SOX5: variants seen among roughly 807,000 people sequenced by gnomAD.
The protein encoded by SOX5 is SRY-box transcription factor 5, also known as transcription factor SOX-5.
Under a neutral mutation model 92.0 loss-of-function variants are expected in SOX5, and 9 were observed. The ratio of observed to expected loss-of-function variants is 0.10; its 90% CI spans 0.06 to 0.17. The LOEUF (loss-of-function observed/expected upper bound fraction) is 0.17, where lower values mean the gene tolerates loss of function less well. Among genes scored for constraint, SOX5 ranks in the 10% least tolerant of loss-of-function variants. The pLI, the probability that SOX5 is intolerant of heterozygous loss-of-function variation, is 1.00. For missense variants in SOX5, 642 were observed against 944.5 expected, an observed-to-expected ratio of 0.68 and a Z score of 4.20; for synonymous variants, 344 against 336.3, an observed-to-expected ratio of 1.02 and a Z score of -0.25.
intron 7 of SOX5, among the ~76,000 whole-genome samples, chr12:23,641,675 G>C (rs189754999): frequency 6.6e-6 from 1 of 152,086 alleles, no homozygotes; most frequent in Non-Finnish European, 1.5e-5. Flanking sequence ...AATCAAGGGG[G>C]TTCTTAATTA....
At chr12:24,044,607 G>T (rs914084408) in intron 4 of SOX5, among the ~76,000 whole-genome samples, 1 of 152,110 alleles carries the variant, frequency 6.6e-6, no homozygotes. Context: ...ATGTTAAGTC[G>T]TATTTTATCC....
intron 6 of SOX5, among the ~76,000 whole-genome samples, chr12:23,685,125 T>C (rs1356410143): frequency 1.3e-5 from 2 of 152,090 alleles, no homozygotes; most frequent in African/African-American, 2.4e-5. Flanking sequence ...GTGAACTGAG[T>C]CAGTGAGTAG....
intron 4 of SOX5, among the ~76,000 whole-genome samples, chr12:24,012,452 T>C (rs1159194450): frequency 6.6e-6 from 1 of 152,198 alleles, no homozygotes; most frequent in African/African-American, 2.4e-5. Context: ...AAAAAGCTGA[T>C]GAAATGATGG....
At chr12:23,789,471 C>T (rs2095434102) in intron 3 of SOX5, among the ~76,000 whole-genome samples, 1 of 152,010 alleles carries the variant, frequency 6.6e-6, no homozygotes, top group Non-Finnish European at 1.5e-5. Flanking sequence ...TGCCTCTGGC[C>T]TATTCTTAAA....
At chr12:24,531,910 T>G (rs1320147173) in intron 1 of SOX5, among the ~76,000 whole-genome samples, 1 of 152,180 alleles carries the variant, frequency 6.6e-6, no homozygotes, top group African/African-American at 2.4e-5. Flanking sequence ...TCTGAGCAAT[T>G]TCAGTCGTCG....
At chr12:24,257,784 T>G (rs1451081569) in intron 3 of SOX5, among the ~76,000 whole-genome samples, 1 of 152,024 alleles carries the variant, frequency 6.6e-6, no homozygotes, top group African/African-American at 2.4e-5. Flanking sequence ...CAGTTTTTAT[T>G]TAAACCTCTT....
At chr12:23,884,908 A>G (rs1463636138) in intron 2 of SOX5, among the ~76,000 whole-genome samples, 2 of 152,238 alleles carry the variant, frequency 1.3e-5, no homozygotes, top group Non-Finnish European at 2.9e-5. Context: ...TCTGAGGAGC[A>G]CTGACTGAAA....
intron 4 of SOX5, among the ~76,000 whole-genome samples, chr12:24,006,871 C>G (rs964152014): frequency 5.3e-5 from 8 of 151,884 alleles, no homozygotes; most frequent in African/African-American, 1.7e-4. Flanking sequence ...CGGTGCCTCA[C>G]GCCTATAATC....
chr12:23,583,675 T>C lies in SOX5; in HGVS notation c.1165-7837A>G, dbSNP rs539861947. ...AAAAGGAAGCATAGAGCAGTAAGAA[T>C]TGATGTTAATAATCACACCAGTTCC... On this transcript the variant is annotated intron_variant, in intron 9 of 14. Transcript: ENST00000451604. 6.6e-5 allele frequency among the ~76,000 whole-genome samples: 10 copies of C among 152,272 alleles called. No individual in the cohort carries two copies. The South Asian group carries it at 2.1e-3, about 32-fold the overall frequency.
chr12:24,524,379 CTATCT>C (rs1566385812), intron 1 of SOX5, among the ~76,000 whole-genome samples: 14 of 152,118 alleles, frequency 9.2e-5, no homozygotes, highest in African/African-American at 2.4e-4. Flanking sequence ...ATCTATCTAT[CTATCT>C]ATCCATCCAT....
intron 4 of SOX5, among the ~76,000 whole-genome samples, chr12:24,187,280 A>G (rs759064490): frequency 2.0e-5 from 3 of 152,228 alleles, no homozygotes; most frequent in Admixed American, 6.5e-5. Flanking sequence ...CTGGGACAAC[A>G]GCAAGAAGAG....
chr12:23,891,401 T>C (rs551187509), intron 2 of SOX5, among the ~76,000 whole-genome samples: 27 of 152,342 alleles, frequency 1.8e-4, no homozygotes, highest in African/African-American at 5.3e-4. Flanking sequence ...ACAGAACTTC[T>C]ATCTCAAGAA....
rs148278755 is a variant in SOX5 at position 24,111,179 on chromosome 12, C to G, written c.-2+102164G>C. Among the ~76,000 whole-genome samples the G allele has an allele frequency of 2.0e-3, 309 of 152,010 alleles. 1 individual carries two copies. The highest frequency in any genetic ancestry group is 0.01 in the Middle Eastern group (3 of 294). On this transcript the variant is annotated intron_variant, in intron 4 of 4. Transcript: ENST00000446891. ...ATGTCCCACGGGAGGTAAAAATCAC[C>G]CCCCATTGAAAACACTGCTCTAAGC...
rs71450436 is a variant in SOX5, at chr12:24,393,606, T to C, written c.-250-24967A>G. Among the ~76,000 whole-genome samples the C allele has an allele frequency of 0.017, 2,534 of 152,338 alleles. 43 individuals are homozygous for C. Among genetic ancestry groups the C allele is most frequent in the Non-Finnish European group, 0.027 (1,809 of 68,036 alleles). ...CATTAAGTAACTAAGCAAAAAATTATGAAATAGATAATCTTTTATACGGAT... is the reference window on the plus strand; with the variant it reads ...CATTAAGTAACTAAGCAAAAAATTACGAAATAGATAATCTTTTATACGGAT... On this transcript the variant is annotated intron_variant, in intron 1 of 4. Transcript: ENST00000446891. The surrounding 1 kb of genome is among the most constrained non-coding windows in gnomAD (Gnocchi z 5.0).
chr12:24,483,555 C>T (rs1267781827), intron 1 of SOX5, among the ~76,000 whole-genome samples: 1 of 152,194 alleles, frequency 6.6e-6, no homozygotes, highest in Non-Finnish European at 1.5e-5. Context: ...GACAAAGGAA[C>T]TCCTTTGTAT....
chr12:23,931,958 C>T (rs1941519812), intron 1 of SOX5, among the ~76,000 whole-genome samples: 1 of 151,340 alleles, frequency 6.6e-6, no homozygotes, highest in Non-Finnish European at 1.5e-5. Flanking sequence ...TAAGGAAGCC[C>T]TATTTCCTCA....
At chr12:24,108,136 T>C (rs981387763) in intron 4 of SOX5, among the ~76,000 whole-genome samples, 3 of 152,194 alleles carry the variant, frequency 2.0e-5, no homozygotes, top group African/African-American at 4.8e-5. Flanking sequence ...TGTTTCTCTG[T>C]GTAAGTTGCA....
At chr12:24,305,061 C>T (rs752515286) in intron 2 of SOX5, among the ~76,000 whole-genome samples, 3 of 152,102 alleles carry the variant, frequency 2.0e-5, no homozygotes, top group Middle Eastern at 3.2e-3. Flanking sequence ...TTCCGAAGAC[C>T]CCACAATGAC....
chr12:23,593,753 G>A (rs1419350518), intron 9 of SOX5, among the ~76,000 whole-genome samples: 1 of 151,926 alleles, frequency 6.6e-6, no homozygotes, highest in African/African-American at 2.4e-5. Flanking sequence ...GAAGTTTTTG[G>A]TGTTTTTCTT....
Sources: allele counts gnomAD v4.1 joint callset (sites outside exome capture counted in the v4.1 genomes callset), GRCh38; gene constraint gnomAD v4.1.1; non-coding constraint Gnocchi (gnomAD v3.1); transcripts MANE v1.5; gene names NCBI Gene and HGNC (gene_info 2026-07-23, HGNC 2026-07-21).